SCN4A: variants seen among roughly 807,000 people sequenced by gnomAD.
The protein encoded by SCN4A is sodium channel protein type 4 subunit alpha.
A neutral mutation model predicts 162.0 loss-of-function variants in SCN4A; 83 were observed. The observed-to-expected ratio is 0.51, with a 90% CI of 0.43 to 0.61. The LOEUF (loss-of-function observed/expected upper bound fraction) is 0.61, where lower values mean the gene tolerates loss of function less well. SCN4A is among the 20% of genes least tolerant of loss of function. SCN4A has a pLI of 0.00. For synonymous variants in SCN4A, 944 were observed against 985.1 expected (o/e 0.96, Z 0.78); for missense variants, 2,196 against 2,462.5 (o/e 0.89, Z 2.29).
chr17:63,971,689 C>G (rs1476243273), intron 4 of SCN4A, 33 bp downstream of exon 4: 1 of 1,554,808 alleles, frequency 6.4e-7, no homozygotes, highest in African/African-American at 1.4e-5. Context: ...CTCACCCACC[C>G]CAGCCTCAGG....
intron 6 of SCN4A, 98 bp from the exon 7 acceptor site, chr17:63,966,642 C>T: frequency 1.2e-6 from 1 of 844,368 alleles, no homozygotes; most frequent in South Asian, 1.4e-5. Context: ...TCTGCGCGTA[C>T]CACATAAACC....
intron 10 of SCN4A, among the ~76,000 whole-genome samples, chr17:63,962,732 A>C (rs1909305932): frequency 1.3e-5 from 2 of 151,788 alleles, no homozygotes. Context: ...CCCAGTCTGC[A>C]CCTCCACCCC....
Position 63,964,615 on chromosome 17 carries a change from A to G in SCN4A, c.1305T>C (p.Ser435=), listed in dbSNP as rs377242341. The change falls in exon 9 of 24, where the codon TCT becomes TCC. Residue 435 remains serine, a synonymous_variant. Transcript: ENST00000435607. Reference sequence around the variant, plus strand: ...CCAGGATCAGATTGATGAGGTAGAAAGAGCCCAGGAAGATGATGACCACGA... The same window carrying G: ...CCAGGATCAGATTGATGAGGTAGAAGGAGCCCAGGAAGATGATGACCACGA... ...IFFVVIIFLG[S]FYLINLILAV... 9 of 1,613,390 alleles carry G rather than the reference A, an allele frequency of 5.6e-6. No individual in the cohort carries two copies. The highest frequency in any genetic ancestry group is 1.3e-5 in the African/African-American group (1 of 74,944).
intron 4 of SCN4A, 127 bp from the exon 5 acceptor site, chr17:63,971,380 G>A (rs1909605128): frequency 5.9e-6 from 4 of 674,382 alleles, no homozygotes; most frequent in Non-Finnish European, 1.1e-5. Flanking sequence ...GGGTCTGGGG[G>A]GCAGGGCAGA....
chr17:63,959,239 C>T lies in SCN4A; in HGVS notation c.2019+26G>A, dbSNP rs572713120. On this transcript the variant is annotated intron_variant, in intron 12 of 23. Transcript: ENST00000435607. ...TCTCCTCACCCCACCCCCATCCCAG[C>T]CCCTGGCCCTGGGGCTTTTGTGTAC... is the stretch of plus-strand genomic sequence containing the variant. 1.6e-4 allele frequency: 259 copies of T among 1,594,826 alleles called. 4 individuals are homozygous for T. The South Asian group carries it at 2.8e-3, about 17-fold the overall frequency.
At position 63,951,719 on chromosome 17, in the gene SCN4A, T is replaced by A. The variant is rs1908919917; in HGVS notation, c.2558A>T (p.Asp853Val). 6.3e-7 allele frequency: 1 copy of A among 1,593,912 alleles called. No individual in the cohort carries two copies. The highest frequency in any genetic ancestry group is 8.5e-7 in the Non-Finnish European group (1 of 1,169,982). ...AGCCTCCCCGAGGCTGAGCATGATG[T>A]CCTTGGGGCTCAGGATCTTGCCATG... is the stretch of plus-strand genomic sequence containing the variant. ...LLHGKILSPK[D>V]IMLSLGEADG... Residue 853 changes from aspartate (D) to valine (V), a missense_variant, in exon 14 of 24, where the codon GAC becomes GTC. Asp to Val is a radical substitution (Grantham distance 152). Transcript: ENST00000435607. This position sits in a 1 kb window ranked among gnomAD's most constrained non-coding sequence, Gnocchi z 4.5.
intron 21 of SCN4A, 60 bp from the exon 22 acceptor site, chr17:63,943,910 AC>A: frequency 9.2e-7 from 1 of 1,090,662 alleles, no homozygotes; most frequent in Non-Finnish European, 1.4e-6. Context: ...CTCCAGGACC[AC>A]CCCCACCTCA....
chr17:63,965,185 C>T lies in SCN4A; in HGVS notation c.1243-508G>A, dbSNP rs146851400. 6.3e-3 allele frequency among the ~76,000 whole-genome samples: 959 copies of T among 151,418 alleles called. 7 individuals carry two copies. The highest frequency in any genetic ancestry group is 0.014 in the Middle Eastern group (4 of 282). On this transcript the variant is annotated intron_variant, in intron 8 of 23. Transcript: ENST00000435607. ...TCAGTCTCCTGAGTAGCTGGGATTA[C>T]AGGTGTTTGCCACCAAACCTGGCTA...
chr17:63,954,160 C>A (rs2144789904), intron 13 of SCN4A, among the ~76,000 whole-genome samples: 1 of 152,336 alleles, frequency 6.6e-6, no homozygotes, highest in South Asian at 2.1e-4. Flanking sequence ...CTCTCACCAG[C>A]CTCCTCCAAG....
chr17:63,943,033 T>C lies in SCN4A; in HGVS notation c.4081A>G (p.Ile1361Val). The C allele has an allele frequency of 1.2e-6, 2 of 1,613,944 alleles. No homozygotes were observed. The highest frequency in any genetic ancestry group is 1.7e-5 in the Admixed American group (1 of 60,024). The change falls in exon 23 of 24, where the codon ATC becomes GTC. Residue 1361 changes from isoleucine (I) to valine (V), a missense_variant. Ile to Val is a conservative substitution (Grantham distance 29). Transcript: ENST00000435607. ...GTGACCATGTTGAGGCAGATGAGGATCATGATGGTGATGTCGAAGGCCTGC... is the reference window on the plus strand; with the variant it reads ...GTGACCATGTTGAGGCAGATGAGGACCATGATGGTGATGTCGAAGGCCTGC... Reference protein sequence around the residue: ...TKQAFDITIMILICLNMVTMM... With the variant: ...TKQAFDITIMVLICLNMVTMM...
In SCN4A at chr17:63,941,084, T is replaced by C; in HGVS notation, c.5198A>G (p.Lys1733Arg). ...GTGCCGGCGGTAGGCCCTCTGGATC[T>C]TGATGGCGCACACCTCCTCGTGCTT... is the stretch of plus-strand genomic sequence containing the variant. ...KRKHEEVCAI[K>R]IQRAYRRHLL... The change falls in exon 24 of 24, where the codon AAG becomes AGG. Residue 1733 changes from lysine to arginine, a missense_variant. Lys to Arg is a conservative substitution (Grantham distance 26). Transcript: ENST00000435607. This position sits in a 1 kb window ranked among gnomAD's most constrained non-coding sequence, Gnocchi z 6.2. 6.2e-7 allele frequency: 1 copy of C among 1,613,988 alleles called. No homozygotes were observed. The highest frequency in any genetic ancestry group is 8.5e-7 in the Non-Finnish European group (1 of 1,179,868).
intron 17 of SCN4A, among the ~76,000 whole-genome samples, chr17:63,947,664 C>T (rs1319516652): frequency 6.6e-6 from 1 of 152,224 alleles, no homozygotes; most frequent in Non-Finnish European, 1.5e-5. Context: ...AGCCCTCCTG[C>T]CTGCTGTCTT....
At chr17:63,971,640 G>T in intron 4 of SCN4A, 82 bp downstream of exon 4, 1 of 1,331,140 alleles carries the variant, frequency 7.5e-7, no homozygotes. Context: ...GCAGCCCTCA[G>T]CCCAGGCAGC....
chr17:63,960,622 C>G (rs1014126839), intron 11 of SCN4A, among the ~76,000 whole-genome samples: 5 of 152,186 alleles, frequency 3.3e-5, no homozygotes, highest in Non-Finnish European at 4.4e-5. Flanking sequence ...GGTGATAATG[C>G]TCCTAATGGG....
chr17:63,943,506 A>G lies in SCN4A; in HGVS notation c.4017+240T>C, dbSNP rs8074344. On this transcript the variant is annotated intron_variant, in intron 22 of 23. Transcript: ENST00000435607. ...GGCACTGAGGAGCTTCGTGGGACCA[A>G]GTGAGGGTAAAGCACTCACTAGAGT... Among the ~76,000 whole-genome samples the G allele has an allele frequency of 0.61, 92,285 of 151,832 alleles. 28,582 individuals carry two copies. Among genetic ancestry groups the G allele is most frequent in the African/African-American group, 0.72 (29,833 of 41,420 alleles).
chr17:63,943,720 A>G, intron 22 of SCN4A, 26 bp downstream of exon 22: 2 of 1,440,502 alleles, frequency 1.4e-6, no homozygotes, highest in Non-Finnish European at 2.0e-6. Context: ...CAGCACACAC[A>G]GGACAGGGGG....
chr17:63,945,397 T>C lies in SCN4A; in HGVS notation c.3683A>G (p.Asp1228Gly). 6.2e-7 allele frequency: 1 copy of C among 1,613,150 alleles called. No homozygotes were observed. Among genetic ancestry groups the C allele is most frequent in the East Asian group, 2.2e-5 (1 of 44,852 alleles). The change falls in exon 19 of 24, where the codon GAC (aspartate) becomes GGC (glycine). Residue 1228 changes from aspartate to glycine, a missense_variant. By Grantham distance (94) the Asp-to-Gly change is moderately conservative. Coordinates refer to ENST00000435607, the MANE Select transcript of SCN4A (RefSeq NM_000334.4). The surrounding 1 kb of genome is among the most constrained non-coding windows in gnomAD (Gnocchi z 4.4). Reference protein sequence around the residue: ...VRWLNVKVNYDNVGLGYLSLL... With the variant: ...VRWLNVKVNYGNVGLGYLSLL... ...GGAGAGGTAGCCCAGACCCACGTTG[T>C]CGTAGTTGACCTTGACATTGAGCCA...
chr17:63,961,002 T>A (rs1909228935), intron 11 of SCN4A, among the ~76,000 whole-genome samples, 191 bp downstream of exon 11: 1 of 149,454 alleles, frequency 6.7e-6, no homozygotes, highest in Non-Finnish European at 1.5e-5. Flanking sequence ...ACCCCAGTTC[T>A]GTGTGCCACA....
chr17:63,961,749 C>G (rs1229378437), intron 10 of SCN4A: 1 of 362,946 alleles, frequency 2.8e-6, no homozygotes, highest in African/African-American at 2.0e-5. Context: ...CTGGAACCCC[C>G]GCGTCCTCAG....
Sources: gnomAD v4.1 joint callset for allele counts (sites outside exome capture counted in the v4.1 genomes callset) on GRCh38, gnomAD v4.1.1 for gene constraint, Gnocchi (gnomAD v3.1) non-coding constraint, MANE v1.5 for transcripts, NCBI Gene and HGNC (gene_info 2026-07-23, HGNC 2026-07-21) for gene names.